The following PLOD2 variants were observed in gnomAD, a reference collection of about 807,000 sequenced individuals.
PLOD2 encodes procollagen-lysine,2-oxoglutarate 5-dioxygenase 2, also known as lysine hydroxylase 2.
A neutral mutation model predicts 101.0 loss-of-function variants in PLOD2; 65 were observed. That is an observed-to-expected ratio of 0.64 (90% CI 0.53 to 0.79). PLOD2 has a LOEUF of 0.79. Ranked by LOEUF, PLOD2 falls within the 30% of genes least tolerant of loss-of-function variation. PLOD2 has a pLI of 0.00. For synonymous variants in PLOD2, 314 were observed against 302.9 expected (o/e 1.04, Z -0.38); for missense variants, 909 against 914.6 (o/e 0.99, Z 0.08).
chr3:146,157,113 C>G (rs541696284), intron 1 of PLOD2, among the ~76,000 whole-genome samples: 1 of 152,162 alleles, frequency 6.6e-6, no homozygotes, highest in African/African-American at 2.4e-5. Context: ...AGAAAGGAAG[C>G]TCAGTGAATT....
chr3:146,145,395 T>G (rs911236383), intron 1 of PLOD2, among the ~76,000 whole-genome samples: 17 of 152,080 alleles, frequency 1.1e-4, no homozygotes, highest in African/African-American at 2.9e-4. Context: ...CCTGAAATTA[T>G]CACAATGAGC....
intron 1 of PLOD2, among the ~76,000 whole-genome samples, chr3:146,132,351 C>A (rs966995569): frequency 5.3e-5 from 8 of 152,028 alleles, no homozygotes; most frequent in African/African-American, 1.9e-4. Flanking sequence ...GGCTGTAAGA[C>A]AAATGGTCCT....
At chr3:146,139,971 C>G (rs2031443196) in intron 1 of PLOD2, among the ~76,000 whole-genome samples, 1 of 152,074 alleles carries the variant, frequency 6.6e-6, no homozygotes, top group Non-Finnish European at 1.5e-5. Context: ...TGGTTCGCCA[C>G]CTGGTTCTTC....
intron 3 of PLOD2, among the ~76,000 whole-genome samples, chr3:146,113,431 C>A (rs77985716): frequency 1.3e-5 from 2 of 152,248 alleles, no homozygotes; most frequent in Admixed American, 6.5e-5. Context: ...ACAGGTGTTG[C>A]GGGAAGTCAG....
At chr3:146,097,236 G>T (rs1182791680) in intron 7 of PLOD2, among the ~76,000 whole-genome samples, 1 of 122,724 alleles carries the variant, frequency 8.1e-6, no homozygotes. Flanking sequence ...CGCTTCTGCC[G>T]GGCCGCCCCT....
Position 146,076,854 on chromosome 3 carries a change from C to A in PLOD2, c.1605G>T (p.Arg535Ser). 6.3e-7 allele frequency: 1 copy of A among 1,586,684 alleles called. No individual in the cohort carries two copies. ...TATTGTAATTAGCAGTGGATAATAG[C>A]CTTCCAAATTCATGTCTATTAGAAA... ...MYISNRHEFG[R>S]LLSTANYNTS... Residue 535 changes from arginine to serine, a missense_variant, in exon 15 of 20, where the codon AGG (arginine) becomes AGT (serine). Physicochemically the swap from Arg to Ser is moderately radical, Grantham distance 110. Coordinates refer to ENST00000282903, the MANE Select transcript of PLOD2 (RefSeq NM_182943.3).
intron 5 of PLOD2, among the ~76,000 whole-genome samples, chr3:146,106,195 T>C (rs945714376): frequency 2.6e-5 from 4 of 152,182 alleles, no homozygotes; most frequent in African/African-American, 9.7e-5. Flanking sequence ...GGCTGCCATT[T>C]CATTTTAGTA....
intron 3 of PLOD2, 77 bp from the exon 4 acceptor site, chr3:146,110,525 A>C: frequency 8.3e-7 from 1 of 1,201,786 alleles, no homozygotes; most frequent in Admixed American, 2.0e-5. Flanking sequence ...AAGTTCTCTA[A>C]CAAAAGTCAG....
chr3:146,126,176 C>T (rs76206503), intron 1 of PLOD2, among the ~76,000 whole-genome samples: 2,322 of 152,208 alleles, frequency 0.015, 35 homozygotes, highest in Non-Finnish European at 0.026. Context: ...AATCCTATGC[C>T]AAATAAGAAC....
At chr3:146,087,640 C>T (rs1936827570) in intron 9 of PLOD2, among the ~76,000 whole-genome samples, 1 of 151,362 alleles carries the variant, frequency 6.6e-6, no homozygotes, top group South Asian at 2.1e-4. Flanking sequence ...TTTAAAATAA[C>T]TTATCACATA....
intron 1 of PLOD2, among the ~76,000 whole-genome samples, chr3:146,137,511 A>T (rs539168979): frequency 2.6e-5 from 4 of 152,194 alleles, no homozygotes; most frequent in African/African-American, 7.2e-5. Context: ...GGGCTCCCCA[A>T]GTGCTGGGAT....
chr3:146,121,041 C>T (rs1037386244), intron 3 of PLOD2, 71 bp downstream of exon 3: 1 of 1,245,842 alleles, frequency 8.0e-7, no homozygotes. Flanking sequence ...ACATCATCTA[C>T]AAATATAAAT....
At chr3:146,080,427 A>G (rs1158355882) in intron 12 of PLOD2, among the ~76,000 whole-genome samples, 1 of 152,024 alleles carries the variant, frequency 6.6e-6, no homozygotes, top group Non-Finnish European at 1.5e-5. Context: ...AAGCAAAACC[A>G]TAGATAAAGG....
intron 9 of PLOD2, 60 bp from the exon 10 acceptor site, chr3:146,086,968 T>C: frequency 1.9e-6 from 2 of 1,042,994 alleles, no homozygotes; most frequent in Non-Finnish European, 2.9e-6. Flanking sequence ...ACTGAAGTAT[T>C]CATATTAGAG....
intron 4 of PLOD2, among the ~76,000 whole-genome samples, chr3:146,107,073 A>C (rs1413380904): frequency 6.6e-6 from 1 of 152,182 alleles, no homozygotes; most frequent in African/African-American, 2.4e-5. Flanking sequence ...TCTCTACTAC[A>C]GTGGTTTTAC....
chr3:146,085,298 T>C, intron 10 of PLOD2, 25 bp from the exon 11 acceptor site: 2 of 1,110,482 alleles, frequency 1.8e-6, no homozygotes, highest in Non-Finnish European at 2.8e-6. Context: ...GAAAATGAAA[T>C]GGGCATGACA....
chr3:146,124,642 TC>T (rs2030437334), intron 1 of PLOD2, among the ~76,000 whole-genome samples: 1 of 134,284 alleles, frequency 7.4e-6, no homozygotes, highest in Non-Finnish European at 1.6e-5. Context: ...CAAATTACAT[TC>T]ATCAAAATAA....
chr3:146,140,753 A>G (rs1170389), intron 1 of PLOD2, among the ~76,000 whole-genome samples: 102,954 of 151,894 alleles, frequency 0.68, 35,176 homozygotes, highest in East Asian at 0.8. Flanking sequence ...ATTCTGTCAA[A>G]TGTGATAATT....
intron 1 of PLOD2, among the ~76,000 whole-genome samples, chr3:146,130,153 A>C (rs560151592): frequency 4.6e-5 from 7 of 152,240 alleles, no homozygotes; most frequent in African/African-American, 1.4e-4. Flanking sequence ...TTTTCTAATA[A>C]TGCCTGCACC....
Sources: allele counts gnomAD v4.1 joint callset (sites outside exome capture counted in the v4.1 genomes callset), GRCh38; gene constraint gnomAD v4.1.1; transcripts MANE v1.5; gene names NCBI Gene and HGNC (gene_info 2026-07-23, HGNC 2026-07-21).